The following PCMTD2 variants were observed in gnomAD, a reference collection of about 807,000 sequenced individuals.
The protein encoded by PCMTD2 is protein-L-isoaspartate (D-aspartate) O-methyltransferase domain containing 2.
Under a neutral mutation model 33.4 loss-of-function variants are expected in PCMTD2, and 16 were observed. The observed-to-expected ratio is 0.48, with a 90% CI of 0.32 to 0.73. The LOEUF (loss-of-function observed/expected upper bound fraction) is 0.73, where lower values mean the gene tolerates loss of function less well. Among genes scored for constraint, PCMTD2 ranks in the 30% least tolerant of loss-of-function variants. PCMTD2 has a pLI of 0.03. For synonymous variants in PCMTD2, 161 were observed against 160.8 expected (o/e 1.00, Z -0.01); for missense variants, 374 against 449.9 (o/e 0.83, Z 1.53).
chr20:64,273,588 C>A lies in PCMTD2; in HGVS notation c.1074C>A (p.Tyr358Ter). ...PDPLKYYLLY[Y>*]REK Reference sequence around the variant, plus strand: ...CCCTGAAATACTACTTGCTTTATTACAGAGAAAAATAAGTCTCCTGTTTGA... The same window carrying A: ...CCCTGAAATACTACTTGCTTTATTAAAGAGAAAAATAAGTCTCCTGTTTGA... The change falls in exon 6 of 6, where the codon TAC becomes TAA. Residue 358 changes from tyrosine (Y) to a stop codon, truncating the protein, a stop_gained. Coordinates refer to ENST00000308824, the MANE Select transcript of PCMTD2 (RefSeq NM_018257.3). LOFTEE classifies it high-confidence loss of function. The A allele has an allele frequency of 6.6e-7, 1 of 1,518,196 alleles. No homozygotes were observed. The highest frequency in any genetic ancestry group is 1.4e-5 in the South Asian group (1 of 73,848). 94.0% of individuals were successfully genotyped at this position (1,518,196 alleles called of 1,614,324 possible). A position where few individuals can be genotyped will look rare whatever the true frequency, so the allele number is the denominator to read the frequency against.
rs553876197 is a variant in PCMTD2, at chr20:64,274,270, T to C, written c.*670T>C. 4.6e-5 allele frequency: 7 copies of C among 152,168 alleles called. No homozygotes were observed. The highest frequency in any genetic ancestry group is 1.7e-4 in the African/African-American group (7 of 41,496). 9.4% of individuals were successfully genotyped at this position (152,168 alleles called of 1,614,324 possible). On this transcript the variant is annotated 3_prime_UTR_variant, in exon 6 of 6. Coordinates refer to ENST00000308824, the MANE Select transcript of PCMTD2 (RefSeq NM_018257.3). ...GAGGAATGAATTGCCAGATAATCTT[T>C]CTGGAATTCCGAGAGAATTCCAAAG...
At chr20:64,268,153 T>TAAACGTTGTTTTATAA (rs762203630) in intron 5 of PCMTD2, 143 bp downstream of exon 5, 113,413 of 561,700 alleles carry the variant, frequency 0.2, 13,525 homozygotes, top group South Asian at 0.35. Context: ...CTACAAGCAA[T>TAAACGTTGTTTTATAA]TTCAGGCATT....
chr20:64,257,646 C>T (rs1400790672), intron 1 of PCMTD2, among the ~76,000 whole-genome samples: 1 of 151,784 alleles, frequency 6.6e-6, no homozygotes, highest in Non-Finnish European at 1.5e-5. Context: ...TAATAAATAT[C>T]AGACCCCACA....
intron 5 of PCMTD2, among the ~76,000 whole-genome samples, chr20:64,269,158 T>C (rs1985780337): frequency 6.6e-6 from 1 of 152,206 alleles, no homozygotes; most frequent in African/African-American, 2.4e-5. Context: ...AAAGATACAG[T>C]GCCTGTGTAT....
chr20:64,264,591 G>T, intron 3 of PCMTD2, 60 bp downstream of exon 3: 1 of 850,632 alleles, frequency 1.2e-6, no homozygotes, highest in South Asian at 1.4e-5. Context: ...ACAAAGTTTT[G>T]ATCAGATAGA....
At chr20:64,258,505 G>A (rs1300756991) in intron 1 of PCMTD2, among the ~76,000 whole-genome samples, 1 of 152,186 alleles carries the variant, frequency 6.6e-6, no homozygotes, top group Non-Finnish European at 1.5e-5. Flanking sequence ...AAGAGAATTT[G>A]TGTTAAGCTA....
intron 1 of PCMTD2, 58 bp from the exon 2 acceptor site, chr20:64,259,884 T>G: frequency 1.2e-6 from 1 of 827,952 alleles, no homozygotes; most frequent in Non-Finnish European, 2.0e-6. Flanking sequence ...TTAGAACTTC[T>G]ATTGTTCTGC....
chr20:64,273,115 T>G (rs1985972766), intron 5 of PCMTD2, 106 bp from the exon 6 acceptor site: 1 of 886,576 alleles, frequency 1.1e-6, no homozygotes, highest in African/African-American at 1.7e-5. Context: ...AACATATTCA[T>G]AAATTTGCCA....
At chr20:64,268,146 C>CCTTTCTG in intron 5 of PCMTD2, 136 bp downstream of exon 5, 1 of 508,324 alleles carries the variant, frequency 2.0e-6, no homozygotes, top group Non-Finnish European at 3.4e-6. Flanking sequence ...TAAAATTCTA[C>CCTTTCTG]AAGCAATTTC....
chr20:64,273,364 C>G lies in PCMTD2; in HGVS notation c.850C>G (p.Arg284Gly). Residue 284 changes from arginine to glycine, a missense_variant, in exon 6 of 6, where the codon CGC (arginine) becomes GGC (glycine). Physicochemically the swap from Arg to Gly is moderately radical, Grantham distance 125 (BLOSUM62 -2). Coordinates refer to ENST00000308824, the MANE Select transcript of PCMTD2 (RefSeq NM_018257.3). ...CAGGTTTAAACGAAGGAGAGTTCGCCGCCGTCGAATGGAAACGATTGTCTT... is the reference window on the plus strand; with the variant it reads ...CAGGTTTAAACGAAGGAGAGTTCGCGGCCGTCGAATGGAAACGATTGTCTT... ...TPRFKRRRVR[R>G]RRMETIVFLD... The G allele has an allele frequency of 6.2e-7, 1 of 1,614,142 alleles. No individual in the cohort carries two copies. The highest frequency in any genetic ancestry group is 1.3e-5 in the African/African-American group (1 of 75,020).
At chr20:64,258,836 C>G (rs1257023758) in intron 1 of PCMTD2, 1 of 152,038 alleles carries the variant, frequency 6.6e-6, no homozygotes, top group African/African-American at 2.4e-5. Flanking sequence ...TAAAGCATTA[C>G]CATTTTATAT....
At chr20:64,264,565 T>C in intron 3 of PCMTD2, 34 bp downstream of exon 3, 2 of 1,018,664 alleles carry the variant, frequency 2.0e-6, no homozygotes, top group Non-Finnish European at 3.1e-6. Context: ...GCTCAGATGA[T>C]GTGAACTGTA....
At chr20:64,256,813 A>G (rs1454071379) in intron 1 of PCMTD2, 1 of 152,200 alleles carries the variant, frequency 6.6e-6, no homozygotes, top group African/African-American at 2.4e-5. Context: ...TTTGTTAGAA[A>G]GCTTCTCTGT....
At chr20:64,268,646 A>G (rs1985756764) in intron 5 of PCMTD2, among the ~76,000 whole-genome samples, 1 of 152,212 alleles carries the variant, frequency 6.6e-6, no homozygotes, top group Non-Finnish European at 1.5e-5. Flanking sequence ...AAATAAAACT[A>G]TCAGGATGCT....
At chr20:64,270,196 C>CGT (rs1985849355) in intron 5 of PCMTD2, among the ~76,000 whole-genome samples, 3 of 105,534 alleles carry the variant, frequency 2.8e-5, no homozygotes, top group South Asian at 3.5e-4. Context: ...GGTGTGGGGT[C>CGT]GTGAGTGCGG....
rs1408621995 is a variant in PCMTD2, at chr20:64,259,985, C to T, written c.20C>T (p.Ala7Val). ...TTGAACATGGGCGGTGCTGTGAGTG[C>T]TGGTGAAGACAATGATGAGCTGATA... Reference protein sequence around the residue: MGGAVSAGEDNDELIDN... With the variant: MGGAVSVGEDNDELIDN... The change falls in exon 2 of 6, where the codon GCT becomes GTT. Residue 7 changes from alanine (A) to valine (V), a missense_variant. By Grantham distance (64) the Ala-to-Val change is moderately conservative. Transcript: ENST00000308824. 3.7e-6 allele frequency: 6 copies of T among 1,610,924 alleles called. No individual in the cohort carries two copies. Among genetic ancestry groups the T allele is most frequent in the African/African-American group, 1.3e-5 (1 of 74,824 alleles).
intron 1 of PCMTD2, chr20:64,256,692 G>A (rs1985183422): frequency 6.6e-6 from 1 of 152,216 alleles, no homozygotes. Flanking sequence ...GATGAGAGGA[G>A]ACCTCAGAGG....
chr20:64,261,069 A>G (rs1985394957), intron 2 of PCMTD2, among the ~76,000 whole-genome samples: 2 of 152,220 alleles, frequency 1.3e-5, no homozygotes, highest in African/African-American at 2.4e-5. Context: ...GGATTTCACT[A>G]TGAAGCTATT....
In PCMTD2 at chr20:64,273,376, G is replaced by C; in HGVS notation, c.862G>C (p.Glu288Gln). 1 of 1,614,166 alleles carries C rather than the reference G, an allele frequency of 6.2e-7. No homozygotes were observed. The highest frequency in any genetic ancestry group is 8.5e-7 in the Non-Finnish European group (1 of 1,180,022). The change falls in exon 6 of 6, where the codon GAA (glutamate) becomes CAA (glutamine). Residue 288 changes from glutamate (E) to glutamine (Q), a missense_variant. Coordinates refer to ENST00000308824, the MANE Select transcript of PCMTD2 (RefSeq NM_018257.3). ...AAGGAGAGTTCGCCGCCGTCGAATGGAAACGATTGTCTTTTTGGACAAAGA... is the reference window on the plus strand; with the variant it reads ...AAGGAGAGTTCGCCGCCGTCGAATGCAAACGATTGTCTTTTTGGACAAAGA... Reference protein sequence around the residue: ...KRRRVRRRRMETIVFLDKEVF... With the variant: ...KRRRVRRRRMQTIVFLDKEVF...
Sources: gnomAD v4.1 joint callset for allele counts (sites outside exome capture counted in the v4.1 genomes callset) on GRCh38, gnomAD v4.1.1 for gene constraint, MANE v1.5 for transcripts, NCBI Gene and HGNC (gene_info 2026-07-23, HGNC 2026-07-21) for gene names.